The following DPYD variants were observed in gnomAD, a reference collection of about 807,000 sequenced individuals.
DPYD encodes the protein dihydropyrimidine dehydrogenase, also known as dihydropyrimidine dehydrogenase [NADP(+)].
Under a neutral mutation model 116.2 loss-of-function variants are expected in DPYD, and 109 were observed. The observed-to-expected ratio is 0.94, with a 90% CI of 0.80 to 1.10. The LOEUF (loss-of-function observed/expected upper bound fraction) is 1.10. Among genes scored for constraint, DPYD ranks in the 50% least tolerant of loss-of-function variants. The probability of loss-of-function intolerance (pLI) is 0.00; values close to 1 mark genes in which losing one functional copy is unlikely to be tolerated. For missense variants in DPYD, 1,302 were observed against 1,254.5 expected (o/e 1.04, Z -0.57); for synonymous variants, 440 against 432.0 (o/e 1.02, Z -0.23).
At chr1:97,666,886 T>G (rs1375111304) in intron 8 of DPYD, among the ~76,000 whole-genome samples, 28 of 152,220 alleles carry the variant, frequency 1.8e-4, no homozygotes, top group Admixed American at 1.8e-3. Flanking sequence ...TTGATTTATA[T>G]TTCAACTAGA....
intron 8 of DPYD, among the ~76,000 whole-genome samples, chr1:97,642,371 A>G (rs1380461276): frequency 1.3e-5 from 2 of 152,166 alleles, no homozygotes; most frequent in Admixed American, 1.3e-4. Context: ...CCAAAACAGC[A>G]TGGTACTGGT....
intron 1 of DPYD, among the ~76,000 whole-genome samples, chr1:97,901,172 T>C (rs905389394): frequency 6.6e-5 from 10 of 151,786 alleles, no homozygotes; most frequent in Non-Finnish European, 1.2e-4. Flanking sequence ...ATTGAGTAAC[T>C]TCCCCAGGAA....
chr1:97,168,673 A>AT (rs1656496423), intron 20 of DPYD, among the ~76,000 whole-genome samples: 1 of 152,040 alleles, frequency 6.6e-6, no homozygotes, highest in Non-Finnish European at 1.5e-5. Context: ...CCTTATTTAG[A>AT]TTTTTTTAAC....
intron 14 of DPYD, among the ~76,000 whole-genome samples, chr1:97,433,012 C>A (rs943591451): frequency 1.3e-5 from 2 of 152,062 alleles, no homozygotes; most frequent in African/African-American, 4.8e-5. Flanking sequence ...TTAGGTTGCT[C>A]GGGAGTTCTC....
At chr1:97,804,501 CATTA>C (rs1035623967) in intron 3 of DPYD, among the ~76,000 whole-genome samples, 3 of 151,672 alleles carry the variant, frequency 2.0e-5, no homozygotes, top group Non-Finnish European at 3.0e-5. Flanking sequence ...TTTCATAAAA[CATTA>C]ATTAGACAAA....
intron 2 of DPYD, among the ~76,000 whole-genome samples, chr1:97,872,385 A>G (rs1558022605): frequency 6.6e-6 from 1 of 151,760 alleles, no homozygotes; most frequent in Non-Finnish European, 1.5e-5. Flanking sequence ...AGAACAAAAT[A>G]AAAGTAACAA....
At chr1:97,099,767 C>T (rs150693121) in intron 20 of DPYD, among the ~76,000 whole-genome samples, 181 of 152,184 alleles carry the variant, frequency 1.2e-3, no homozygotes, top group African/African-American at 4.2e-3. Context: ...ACACTGGCCT[C>T]CACATTTCAG....
chr1:97,096,006 G>A (rs1298079511), intron 21 of DPYD: 1 of 152,112 alleles, frequency 6.6e-6, no homozygotes, highest in East Asian at 1.9e-4. Flanking sequence ...TATCTACAAT[G>A]TCTTGAGGCT....
chr1:97,911,109 A>G (rs1673910814), intron 1 of DPYD, among the ~76,000 whole-genome samples: 1 of 152,080 alleles, frequency 6.6e-6, no homozygotes, highest in African/African-American at 2.4e-5. Flanking sequence ...AAAGGGTATC[A>G]TTTTATACAT....
At chr1:97,296,582 T>G (rs972100305) in intron 18 of DPYD, among the ~76,000 whole-genome samples, 1 of 152,130 alleles carries the variant, frequency 6.6e-6, no homozygotes, top group African/African-American at 2.4e-5. Context: ...ATATTTATGA[T>G]ATATTCATGC....
chr1:97,316,485 G>C (rs1488027178), intron 16 of DPYD, among the ~76,000 whole-genome samples: 1 of 140,860 alleles, frequency 7.1e-6, no homozygotes, highest in African/African-American at 2.5e-5. Flanking sequence ...CTGCATTCCA[G>C]CCTGGGAGAC....
chr1:97,181,017 A>G (rs980060843), intron 20 of DPYD, among the ~76,000 whole-genome samples: 6 of 152,140 alleles, frequency 3.9e-5, no homozygotes, highest in African/African-American at 9.7e-5. Flanking sequence ...AATTCCTAGA[A>G]TTGGTGACCT....
chr1:97,846,677 ATTTG>A (rs1356757865), intron 2 of DPYD, among the ~76,000 whole-genome samples: 6 of 152,242 alleles, frequency 3.9e-5, no homozygotes, highest in Non-Finnish European at 8.8e-5. Context: ...AAGAAACAAT[ATTTG>A]TTTATTTTGT....
chr1:97,911,770 T>C (rs1673950231), intron 1 of DPYD, among the ~76,000 whole-genome samples: 1 of 151,924 alleles, frequency 6.6e-6, no homozygotes, highest in Admixed American at 6.6e-5. Context: ...TTCCATCACA[T>C]AATGAGACAG....
intron 18 of DPYD, among the ~76,000 whole-genome samples, chr1:97,290,634 T>G (rs570223398): frequency 6.6e-6 from 1 of 152,284 alleles, no homozygotes; most frequent in East Asian, 1.9e-4. Context: ...GCTAGCCATA[T>G]GTAGAAAGCT....
In DPYD at chr1:97,721,594, A is replaced by G. The variant is rs1557907842; in HGVS notation, c.399T>C (p.Ser133=). The G allele has an allele frequency of 6.2e-7, 1 of 1,611,994 alleles. No homozygotes were observed. Among genetic ancestry groups the G allele is most frequent in the African/African-American group, 1.3e-5 (1 of 74,910 alleles). The change falls in exon 5 of 23, where the codon TCT becomes TCC. Residue 133 remains serine, a synonymous_variant. Transcript: ENST00000370192. ...AATTGCATCCACCTACACAAAGATCAGAGGTTGGACATACCATTCCACAAG... is the reference window on the plus strand; with the variant it reads ...AATTGCATCCACCTACACAAAGATCGGAGGTTGGACATACCATTCCACAAG... ...GLTCGMVCPT[S]DLCVGGCNLY...
chr1:97,629,732 C>G (rs1657143087), intron 8 of DPYD, among the ~76,000 whole-genome samples: 1 of 151,846 alleles, frequency 6.6e-6, no homozygotes, highest in Admixed American at 6.6e-5. Flanking sequence ...GAAATCTTTG[C>G]CATATATCAA....
rs138771006 is a variant in DPYD at position 97,566,383 on chromosome 1, T to C, written c.1339+7377A>G. Among the ~76,000 whole-genome samples, 590 of 152,266 alleles carry C rather than the reference T, an allele frequency of 3.9e-3. 5 individuals carry two copies. Among genetic ancestry groups the C allele is most frequent in the South Asian group, 0.024 (117 of 4,830 alleles). On this transcript the variant is annotated intron_variant, in intron 11 of 22. Coordinates refer to ENST00000370192, the MANE Select transcript of DPYD (RefSeq NM_000110.4). ...TGATCTCTAAGGTCCTTCTAGCACA[T>C]TCAGAAATATAAATAAGGAAAATCC...
At chr1:97,273,543 T>C (rs529001524) in intron 18 of DPYD, among the ~76,000 whole-genome samples, 55 of 152,200 alleles carry the variant, frequency 3.6e-4, no homozygotes, top group Non-Finnish European at 8.8e-5. Flanking sequence ...TCATGGACTT[T>C]AAACAGTGTG....
Sources: gnomAD v4.1 joint callset for allele counts (sites outside exome capture counted in the v4.1 genomes callset) on GRCh38, gnomAD v4.1.1 for gene constraint, MANE v1.5 for transcripts, NCBI Gene and HGNC (gene_info 2026-07-23, HGNC 2026-07-21) for gene names.